CSMD1: variants seen among roughly 807,000 people sequenced by gnomAD.
CSMD1 encodes CUB and sushi domain-containing protein 1.
CSMD1 carries 213 observed loss-of-function variants against 417.5 expected under a neutral mutation model. That is an observed-to-expected ratio of 0.51 (90% confidence interval 0.46 to 0.57). The LOEUF (loss-of-function observed/expected upper bound fraction) is 0.57, where lower values mean the gene tolerates loss of function less well. Among genes scored for constraint, CSMD1 ranks in the 20% least tolerant of loss-of-function variants. CSMD1 has a pLI of 0.00. For missense variants in CSMD1, 6,923 were observed against 4,529.7 expected (o/e 1.53, Z -15.17); for synonymous variants, 2,862 against 1,736.8 (o/e 1.65, Z -16.11).
intron 2 of CSMD1, among the ~76,000 whole-genome samples, chr8:4,423,239 G>C (rs1180532313): frequency 6.6e-6 from 1 of 152,016 alleles, no homozygotes; most frequent in Non-Finnish European, 1.5e-5. Context: ...GAAAATATAT[G>C]CGTATGGGTC....
At chr8:4,252,458 G>C (rs944604109) in intron 3 of CSMD1, among the ~76,000 whole-genome samples, 4 of 152,218 alleles carry the variant, frequency 2.6e-5, no homozygotes, top group East Asian at 1.9e-4. Flanking sequence ...ATGAGAACTT[G>C]AGTTACACTC....
At chr8:4,197,938 T>C (rs889102300) in intron 3 of CSMD1, among the ~76,000 whole-genome samples, 2 of 152,224 alleles carry the variant, frequency 1.3e-5, no homozygotes, top group Non-Finnish European at 2.9e-5. Flanking sequence ...AGTAATTCTG[T>C]ACACATTGTC....
chr8:4,265,688 G>C (rs1804192317), intron 3 of CSMD1, among the ~76,000 whole-genome samples: 1 of 104,838 alleles, frequency 9.5e-6, no homozygotes, highest in African/African-American at 2.6e-5. Context: ...GCTCTGAACA[G>C]TATTATTTGA....
intron 3 of CSMD1, among the ~76,000 whole-genome samples, chr8:4,210,636 T>C (rs910425143): frequency 2.0e-5 from 3 of 152,128 alleles, no homozygotes; most frequent in Non-Finnish European, 4.4e-5. Flanking sequence ...TCATTAATTA[T>C]ACAATTAGCC....
intron 5 of CSMD1, among the ~76,000 whole-genome samples, chr8:3,903,757 C>G (rs530029257): frequency 6.6e-6 from 1 of 152,160 alleles, no homozygotes; most frequent in Non-Finnish European, 1.5e-5. Context: ...ATGGACTTTG[C>G]CACCTCCCAA....
chr8:3,306,469 C>G (rs577376150), intron 25 of CSMD1, among the ~76,000 whole-genome samples: 2 of 152,282 alleles, frequency 1.3e-5, no homozygotes, highest in South Asian at 4.1e-4. Flanking sequence ...CCCAGCCTGA[C>G]TTTGACCTGT....
rs575170650 is a variant in CSMD1 at position 2,963,592 on chromosome 8, T to C, written c.9281-197A>G. Among the ~76,000 whole-genome samples, 18 of 152,340 alleles carry C rather than the reference T, an allele frequency of 1.2e-4. No individual in the cohort carries two copies. The South Asian group carries it at 3.3e-3, about 28-fold the overall frequency. On this transcript the variant is annotated intron_variant, in intron 59 of 69. Coordinates refer to ENST00000635120, the MANE Select transcript of CSMD1 (RefSeq NM_033225.6). ...ATTTTTTAGAATATTTCTTCATTAA[T>C]ATCGATGAAGTCTATAAAAGCAAAG...
chr8:4,856,839 C>T (rs887947328), intron 1 of CSMD1, among the ~76,000 whole-genome samples: 1 of 151,888 alleles, frequency 6.6e-6, no homozygotes, highest in Non-Finnish European at 1.5e-5. Flanking sequence ...ACCCCACTGT[C>T]AACATTACAC....
chr8:4,656,551 A>G (rs78630662), intron 1 of CSMD1, among the ~76,000 whole-genome samples: 1,822 of 152,044 alleles, frequency 0.012, 46 homozygotes, highest in East Asian at 0.1. Context: ...ATCTGATGCC[A>G]TATTCAACTT....
Position 4,041,105 on chromosome 8 carries a change from C to T in CSMD1, c.416-9006G>A, listed in dbSNP as rs536574694. On this transcript the variant is annotated intron_variant, in intron 3 of 69. Transcript: ENST00000635120. ...GATCTCGGCTCACTGCAAGCTCCGCCTCCCGGGTTCCCGCCATTCTCCTGC... is the reference window on the plus strand; with the variant it reads ...GATCTCGGCTCACTGCAAGCTCCGCTTCCCGGGTTCCCGCCATTCTCCTGC... Among the ~76,000 whole-genome samples, 1,278 of 150,110 alleles carry T rather than the reference C, an allele frequency of 8.5e-3. 4 individuals are homozygous for T. The highest frequency in any genetic ancestry group is 0.028 in the Middle Eastern group (8 of 290).
intron 6 of CSMD1, among the ~76,000 whole-genome samples, chr8:3,743,223 G>A (rs185643096): frequency 1.6e-4 from 24 of 152,238 alleles, no homozygotes; most frequent in Middle Eastern, 3.4e-3. Flanking sequence ...CCCTTTTTTT[G>A]TGGTTTTATT....
At chr8:4,437,379 CAACT>C (rs1312950710) in intron 2 of CSMD1, among the ~76,000 whole-genome samples, 1 of 152,102 alleles carries the variant, frequency 6.6e-6, no homozygotes, top group Non-Finnish European at 1.5e-5. Flanking sequence ...TGTATGTGAA[CAACT>C]TACTGTAATC....
At chr8:4,285,066 A>G (rs1364981991) in intron 3 of CSMD1, among the ~76,000 whole-genome samples, 3 of 152,186 alleles carry the variant, frequency 2.0e-5, no homozygotes, top group African/African-American at 4.8e-5. Context: ...AATAGTCAGA[A>G]TGATGCCTAG....
At chr8:3,514,553 G>A (rs975331225) in intron 10 of CSMD1, among the ~76,000 whole-genome samples, 3 of 152,134 alleles carry the variant, frequency 2.0e-5, no homozygotes, top group Admixed American at 6.5e-5. Flanking sequence ...TAAATAATAT[G>A]TTATAGTTGG....
intron 3 of CSMD1, among the ~76,000 whole-genome samples, chr8:4,171,422 G>T (rs556841490): frequency 6.6e-6 from 1 of 151,676 alleles, no homozygotes; most frequent in Non-Finnish European, 1.5e-5. Flanking sequence ...TAATTACTTT[G>T]TAATACAATC....
intron 5 of CSMD1, among the ~76,000 whole-genome samples, chr8:3,983,372 CCT>C (rs914314016): frequency 6.6e-6 from 1 of 151,950 alleles, no homozygotes; most frequent in African/African-American, 2.4e-5. Flanking sequence ...CCTCGTGATC[CCT>C]CTTTCTTGCC....
intron 26 of CSMD1, among the ~76,000 whole-genome samples, chr8:3,234,230 T>A (rs184729843): frequency 1.6e-4 from 25 of 152,280 alleles, no homozygotes; most frequent in African/African-American, 5.8e-4. Flanking sequence ...TCAACCGGGA[T>A]TCCTTATTTT....
At chr8:3,825,459 G>C (rs1052392027) in intron 5 of CSMD1, among the ~76,000 whole-genome samples, 3 of 152,160 alleles carry the variant, frequency 2.0e-5, no homozygotes, top group African/African-American at 4.8e-5. Flanking sequence ...AACCTGGGAA[G>C]TGGAAGTTGC....
intron 26 of CSMD1, among the ~76,000 whole-genome samples, chr8:3,253,079 T>A (rs1800394366): frequency 6.6e-6 from 1 of 152,152 alleles, no homozygotes; most frequent in Non-Finnish European, 1.5e-5. Context: ...AGCTTTTGAG[T>A]ATGTTTGCTC....
Sources: allele counts gnomAD v4.1 joint callset (sites outside exome capture counted in the v4.1 genomes callset), GRCh38; gene constraint gnomAD v4.1.1; transcripts MANE v1.5; gene names NCBI Gene and HGNC (gene_info 2026-07-23, HGNC 2026-07-21).